The following PRR35 variants were observed in gnomAD, a reference collection of about 807,000 sequenced individuals.
PRR35 encodes the protein proline-rich protein 35.
Under a neutral mutation model 18.6 loss-of-function variants are expected in PRR35, and 14 were observed. The observed-to-expected ratio is 0.75, with a 90% CI of 0.50 to 1.18. PRR35 has a LOEUF of 1.18. Ranked by LOEUF, PRR35 falls within the 50% of genes most tolerant of loss-of-function variation. The pLI is 0.00. For missense variants in PRR35, 832 were observed against 792.2 expected, an observed-to-expected ratio of 1.05 and a Z score of -0.60; for synonymous variants, 425 against 378.2, an observed-to-expected ratio of 1.12 and a Z score of -1.43.
chr16:560,769 G>C (rs2035419505), intron 1 of PRR35, 108 bp downstream of exon 1: 2 of 882,542 alleles, frequency 2.3e-6, no homozygotes, highest in African/African-American at 1.8e-5. Flanking sequence ...CGCGGGGGGC[G>C]GCCGGGTCCC....
chr16:561,859 A>G, intron 1 of PRR35: 1 of 888,318 alleles, frequency 1.1e-6, no homozygotes, highest in Non-Finnish European at 1.3e-6. Context: ...GCCGTGTTGG[A>G]GTGGTTTGGA....
Position 564,369 on chromosome 16 carries a change from C to T in PRR35, c.1075C>T (p.Arg359Trp), listed in dbSNP as rs754932269. 40 of 1,589,326 alleles carry T rather than the reference C, an allele frequency of 2.5e-5. No individual in the cohort carries two copies. The highest frequency in any genetic ancestry group is 1.8e-4 in the East Asian group (8 of 44,472). ...CCCCAGCCTGACAAGGTTCTGTTCC[C>T]GGAGCAGGTGGGCGTCTTGGGCTCC... ...ASPSLTRFCS[R>W]SSLPTGSSVM... The change falls in exon 2 of 3, where the codon CGG (arginine) becomes TGG (tryptophan). Residue 359 changes from arginine to tryptophan, a missense_variant. Physicochemically the swap from Arg to Trp is moderately radical, Grantham distance 101. This residue lies in a region of PRR35 where 768 missense variants were observed against 704.1 expected (regional missense o/e 1.09). Transcript: ENST00000409413.
rs771315654 is a variant in PRR35 at position 564,276 on chromosome 16, C to T, written c.982C>T (p.Arg328Trp). ...RDPGQEGELE[R>W]AAQSDPRRRL... ...CCCAGGGCAGGAGGGGGAGCTGGAG[C>T]GGGCAGCCCAGAGTGACCCCAGGAG... The change falls in exon 2 of 3, where the codon CGG becomes TGG. Residue 328 changes from arginine (R) to tryptophan (W), a missense_variant. By Grantham distance (101) the Arg-to-Trp change is moderately radical. Coordinates refer to ENST00000409413, the MANE Select transcript of PRR35 (RefSeq NM_145270.3). 1.1e-5 allele frequency: 18 copies of T among 1,576,842 alleles called. No homozygotes were observed. Among genetic ancestry groups the T allele is most frequent in the Admixed American group, 1.8e-5 (1 of 55,530 alleles).
At chr16:562,294 G>A (rs747750062) in intron 1 of PRR35, among the ~76,000 whole-genome samples, 2 of 152,238 alleles carry the variant, frequency 1.3e-5, no homozygotes, top group Admixed American at 6.5e-5. Context: ...GAGCCGTGGG[G>A]CCATGCTGGG....
At position 563,654 on chromosome 16, in the gene PRR35, C is replaced by A; in HGVS notation, c.360C>A (p.Asp120Glu). 6.3e-7 allele frequency: 1 copy of A among 1,575,982 alleles called. No individual in the cohort carries two copies. Among genetic ancestry groups the A allele is most frequent in the Non-Finnish European group, 8.6e-7 (1 of 1,167,906 alleles). ...CCGCGCCTGACCTCGTGGTCGCCGACATCCACTCCCTGCACTGTGGCGGAG... is the reference window on the plus strand; with the variant it reads ...CCGCGCCTGACCTCGTGGTCGCCGAAATCCACTCCCTGCACTGTGGCGGAG... ...AAPAPDLVVA[D>E]IHSLHCGGGP... Residue 120 changes from aspartate to glutamate, a missense_variant, in exon 2 of 3, where the codon GAC (aspartate) becomes GAA (glutamate). Asp to Glu is a conservative substitution (Grantham distance 45, BLOSUM62 2). Transcript: ENST00000409413.
rs766107824 is a variant in PRR35, at chr16:565,002, C to T, written c.1411C>T (p.Arg471Cys). The change falls in exon 3 of 3, where the codon CGT becomes TGT. Residue 471 changes from arginine to cysteine, a missense_variant. Physicochemically the swap from Arg to Cys is radical, Grantham distance 180. Transcript: ENST00000409413. Reference protein sequence around the residue: ...PDAPLDLSVKRAPAKGPQALG... With the variant: ...PDAPLDLSVKCAPAKGPQALG... ...CGCACCCCTCGACCTCTCTGTGAAA[C>T]GTGCGCCCGCCAAGGGGCCCCAGGC... The T allele has an allele frequency of 3.0e-5, 48 of 1,605,336 alleles. No individual in the cohort carries two copies. The highest frequency in any genetic ancestry group is 5.5e-5 in the South Asian group (5 of 90,172).
chr16:563,101 G>A (rs923704744), intron 1 of PRR35, among the ~76,000 whole-genome samples, 155 bp from the exon 2 acceptor site: 6 of 150,064 alleles, frequency 4.0e-5, no homozygotes, highest in South Asian at 2.1e-4. Flanking sequence ...GGGAGGAGCC[G>A]AAGGATGGGG....
At chr16:561,982 C>G (rs2035441390) in intron 1 of PRR35, among the ~76,000 whole-genome samples, 1 of 152,226 alleles carries the variant, frequency 6.6e-6, no homozygotes, top group South Asian at 2.1e-4. Context: ...TGGTGGCAGA[C>G]TCCGTTCTGA....
rs1406159841 is a variant in PRR35 at position 564,802 on chromosome 16, T to C, written c.1211T>C (p.Val404Ala). 1.9e-6 allele frequency: 3 copies of C among 1,556,906 alleles called. No individual in the cohort carries two copies. The highest frequency in any genetic ancestry group is 1.8e-5 in the Admixed American group (1 of 54,378). Residue 404 changes from valine to alanine, a missense_variant, in exon 3 of 3, where the codon GTG (valine) becomes GCG (alanine). By Grantham distance (64) the Val-to-Ala change is moderately conservative. Transcript: ENST00000409413. Reference protein sequence around the residue: ...RGPVPGSPEHVGEDLTRALGD... With the variant: ...RGPVPGSPEHAGEDLTRALGD... ...CCAGTGCCAGGAAGCCCGGAGCATG[T>C]GGGCGAGGACCTGACCCGAGCCCTC...
intron 1 of PRR35, 129 bp from the exon 2 acceptor site, chr16:563,127 G>A: frequency 1.1e-6 from 1 of 917,816 alleles, no homozygotes; most frequent in African/African-American, 1.7e-5. Context: ...GGGGCACGTT[G>A]CAGGGCAGAG....
intron 2 of PRR35, 34 bp from the exon 3 acceptor site, chr16:564,640 C>T: frequency 1.3e-5 from 19 of 1,488,338 alleles, no homozygotes; most frequent in Non-Finnish European, 1.7e-5. Flanking sequence ...GCTGTGGGGG[C>T]AGTGCGGCCT....
rs1596374960 is a variant in PRR35 at position 563,581 on chromosome 16, C to A, written c.287C>A (p.Ser96Tyr). 6.2e-7 allele frequency: 1 copy of A among 1,601,348 alleles called. No individual in the cohort carries two copies. Among genetic ancestry groups the A allele is most frequent in the African/African-American group, 1.3e-5 (1 of 74,676 alleles). ...CCCACCCCAGACCGCCCTGGGGAGTCCGACCCCGGCAGGCAACCCCAGGGA... is the reference window on the plus strand; with the variant it reads ...CCCACCCCAGACCGCCCTGGGGAGTACGACCCCGGCAGGCAACCCCAGGGA... ...HAPTPDRPGE[S>Y]DPGRQPQGAR... Residue 96 changes from serine (S) to tyrosine (Y), a missense_variant, in exon 2 of 3, where the codon TCC (serine) becomes TAC (tyrosine). Physicochemically the swap from Ser to Tyr is moderately radical, Grantham distance 144. This residue lies in a region of PRR35 where 768 missense variants were observed against 704.1 expected (regional missense o/e 1.09). Coordinates refer to ENST00000409413, the MANE Select transcript of PRR35 (RefSeq NM_145270.3).
intron 1 of PRR35, 137 bp from the exon 2 acceptor site, chr16:563,119 G>T (rs1050743632): frequency 2.5e-6 from 2 of 805,704 alleles, no homozygotes; most frequent in Non-Finnish European, 3.6e-6. Context: ...GGGCTCGGGG[G>T]GCACGTTGCA....
In PRR35 at chr16:564,809, G is replaced by T; in HGVS notation, c.1218G>T (p.Glu406Asp). ...CAGGAAGCCCGGAGCATGTGGGCGA[G>T]GACCTGACCCGAGCCCTCGGTGACT... ...PVPGSPEHVG[E>D]DLTRALGDYA... Residue 406 changes from glutamate to aspartate, a missense_variant, in exon 3 of 3, where the codon GAG (glutamate) becomes GAT (aspartate). Physicochemically the swap from Glu to Asp is conservative, Grantham distance 45. Around this residue, in one of 3 missense-constraint regions of PRR35, gnomAD observed 768 missense variants for 704.1 expected, o/e 1.09. Coordinates refer to ENST00000409413, the MANE Select transcript of PRR35 (RefSeq NM_145270.3). The T allele has an allele frequency of 6.4e-7, 1 of 1,558,122 alleles. No individual in the cohort carries two copies.
At chr16:560,884 G>C (rs1348860599) in intron 1 of PRR35, among the ~76,000 whole-genome samples, 1 of 150,888 alleles carries the variant, frequency 6.6e-6, no homozygotes, top group African/African-American at 2.4e-5. Context: ...TGGGGCAGAC[G>C]CCTGACCTCG....
At position 564,944 on chromosome 16, in the gene PRR35, C is replaced by A; in HGVS notation, c.1353C>A (p.His451Gln). 6.2e-7 allele frequency: 1 copy of A among 1,604,974 alleles called. No homozygotes were observed. The highest frequency in any genetic ancestry group is 8.5e-7 in the Non-Finnish European group (1 of 1,178,164). ...TCCGCCTGGAGCTGCTCACCATTCA[C>A]CAGGCGCTGGAGCAGGCCGTGAGGC... Reference protein sequence around the residue: ...GKIRLELLTIHQALEQAVRPP... With the variant: ...GKIRLELLTIQQALEQAVRPP... Residue 451 changes from histidine to glutamine, a missense_variant, in exon 3 of 3, where the codon CAC (histidine) becomes CAA (glutamine). Coordinates refer to ENST00000409413, the MANE Select transcript of PRR35 (RefSeq NM_145270.3).
intron 1 of PRR35, among the ~76,000 whole-genome samples, chr16:561,219 A>T (rs1484882987): frequency 6.6e-6 from 1 of 152,158 alleles, no homozygotes; most frequent in East Asian, 1.9e-4. Flanking sequence ...CTGTGTACAC[A>T]CACCAGGTGG....
Position 563,124 on chromosome 16 carries a change from G to A in PRR35, c.-39-132G>A, listed in dbSNP as rs1020190865. ...CCGAAGGATGGGGCTCGGGGGGCAC[G>A]TTGCAGGGCAGAGGCGGCGGGGTGG... On this transcript the variant is annotated intron_variant, in intron 1 of 2. Coordinates refer to ENST00000409413, the MANE Select transcript of PRR35 (RefSeq NM_145270.3). 1.1e-4 allele frequency: 93 copies of A among 869,158 alleles called. 1 individual carries two copies. The South Asian group carries it at 1.2e-3, about 11-fold the overall frequency. 53.8% of individuals were successfully genotyped at this position (869,158 alleles called of 1,614,324 possible). A position where few individuals can be genotyped will look rare whatever the true frequency, so the allele number is the denominator to read the frequency against.
intron 1 of PRR35, among the ~76,000 whole-genome samples, chr16:561,308 C>A (rs1306242786): frequency 6.6e-6 from 1 of 152,212 alleles, no homozygotes; most frequent in Non-Finnish European, 1.5e-5. Flanking sequence ...ACCCGGGAGC[C>A]CCCGGTCCCT....
Sources: allele counts gnomAD v4.1 joint callset (sites outside exome capture counted in the v4.1 genomes callset), GRCh38; gene constraint gnomAD v4.1.1; regional missense constraint gnomAD v4.1.1; transcripts MANE v1.5; gene names NCBI Gene and HGNC (gene_info 2026-07-23, HGNC 2026-07-21).